BLK: variants seen among roughly 807,000 people sequenced by gnomAD.
BLK encodes tyrosine-protein kinase Blk.
BLK carries 64 observed loss-of-function variants against 61.8 expected under a neutral mutation model. That is an observed-to-expected ratio of 1.03 (90% confidence interval 0.85 to 1.27). The LOEUF is 1.27. Among genes scored for constraint, BLK ranks in the 50% most tolerant of loss-of-function variants. BLK has a pLI of 0.00. For synonymous variants in BLK, 351 were observed against 272.0 expected (o/e 1.29, Z -2.86); for missense variants, 853 against 660.5 (o/e 1.29, Z -3.19).
intron 1 of BLK, among the ~76,000 whole-genome samples, chr8:11,507,140 A>G (rs1798803451): frequency 6.6e-6 from 1 of 152,216 alleles, no homozygotes; most frequent in South Asian, 2.1e-4. Flanking sequence ...TGCAGTATAA[A>G]TGTACACTGT....
chr8:11,518,106 C>T (rs115535275), intron 1 of BLK, among the ~76,000 whole-genome samples: 25 of 152,202 alleles, frequency 1.6e-4, no homozygotes, highest in African/African-American at 4.8e-4. Flanking sequence ...GTGCAGGGTA[C>T]GCAGTGGGTG....
intron 8 of BLK, chr8:11,555,707 A>C (rs1801181105): frequency 7.2e-6 from 5 of 696,068 alleles, no homozygotes; most frequent in Middle Eastern, 4.1e-4. Flanking sequence ...CAGGAACAGA[A>C]TCCAGCTCAC....
At chr8:11,501,034 C>A (rs979661605) in intron 1 of BLK, among the ~76,000 whole-genome samples, 1 of 151,774 alleles carries the variant, frequency 6.6e-6, no homozygotes, top group Non-Finnish European at 1.5e-5. Context: ...CATGGTGAAA[C>A]CCCATCTCTA....
At chr8:11,501,374 C>A (rs1317265745) in intron 1 of BLK, among the ~76,000 whole-genome samples, 1 of 145,390 alleles carries the variant, frequency 6.9e-6, no homozygotes, top group African/African-American at 2.6e-5. Context: ...TTTTTTAACA[C>A]ATTAGCATGG....
At chr8:11,501,407 G>A (rs1275150852) in intron 1 of BLK, among the ~76,000 whole-genome samples, 1 of 150,138 alleles carries the variant, frequency 6.7e-6, no homozygotes. Flanking sequence ...TCTACTTTGT[G>A]GTGTCTGTCT....
At chr8:11,556,874 G>A in intron 9 of BLK, 37 bp downstream of exon 9, 1 of 1,608,328 alleles carries the variant, frequency 6.2e-7, no homozygotes, top group Non-Finnish European at 8.5e-7. Context: ...TCAGAGCGAG[G>A]CGGGAGGGCC....
intron 12 of BLK, 46 bp downstream of exon 12, chr8:11,563,156 G>A (rs369976913): frequency 2.6e-5 from 42 of 1,611,410 alleles, no homozygotes; most frequent in Middle Eastern, 1.6e-4. Flanking sequence ...TTTCCCGGCC[G>A]GCCCTGATGG....
chr8:11,502,812 C>T (rs1443535643), intron 1 of BLK, among the ~76,000 whole-genome samples: 8 of 152,078 alleles, frequency 5.3e-5, no homozygotes. Context: ...CTCCTGAGTC[C>T]CGAGCCTGAC....
chr8:11,542,000 A>C (rs189930606), intron 1 of BLK, among the ~76,000 whole-genome samples: 2 of 152,200 alleles, frequency 1.3e-5, no homozygotes, highest in Non-Finnish European at 2.9e-5. Flanking sequence ...GAAAAAACAT[A>C]CTTGTGAATT....
chr8:11,543,288 C>A lies in BLK; in HGVS notation c.64C>A (p.Gln22Lys). ...EKPIKEKDKG[Q>K]WSPLKVSAQD... ...GCCGATCAAAGAGAAGGACAAGGGCCAATGGAGCCCCCTGAAGGTCAGCGC... is the reference window on the plus strand; with the variant it reads ...GCCGATCAAAGAGAAGGACAAGGGCAAATGGAGCCCCCTGAAGGTCAGCGC... The change falls in exon 2 of 13, where the codon CAA (glutamine) becomes AAA (lysine). Residue 22 changes from glutamine to lysine, a missense_variant. Transcript: ENST00000259089. The A allele has an allele frequency of 1.9e-6, 3 of 1,613,974 alleles. No individual in the cohort carries two copies. The highest frequency in any genetic ancestry group is 2.2e-5 in the South Asian group (2 of 91,070).
At chr8:11,514,116 A>G (rs555839668) in intron 1 of BLK, among the ~76,000 whole-genome samples, 199 of 152,292 alleles carry the variant, frequency 1.3e-3, no homozygotes, top group African/African-American at 4.7e-3. Flanking sequence ...GTATCCCAGG[A>G]AATGAGTGGA....
intron 6 of BLK, chr8:11,553,136 G>C (rs1800996372): frequency 1.0e-5 from 2 of 193,070 alleles, no homozygotes; most frequent in Non-Finnish European, 2.2e-5. Flanking sequence ...TCCAAAGCAA[G>C]ACCCCTCTGC....
intron 1 of BLK, among the ~76,000 whole-genome samples, chr8:11,524,898 G>A (rs1256726007): frequency 7.0e-6 from 1 of 143,200 alleles, no homozygotes; most frequent in South Asian, 2.2e-4. Context: ...TGTAGATAAT[G>A]ATCCCATTTT....
intron 12 of BLK, 65 bp downstream of exon 12, chr8:11,563,175 C>A: frequency 6.2e-7 from 1 of 1,608,926 alleles, no homozygotes; most frequent in Non-Finnish European, 8.5e-7. Context: ...GGCAGGTCGC[C>A]TGTGCTTGGT....
intron 3 of BLK, among the ~76,000 whole-genome samples, chr8:11,546,999 C>T (rs1800677440): frequency 6.6e-6 from 1 of 152,250 alleles, no homozygotes; most frequent in Non-Finnish European, 1.5e-5. Context: ...TTCAAAGTGA[C>T]TTCCCGCAGC....
At chr8:11,502,610 C>G (rs1798606634) in intron 1 of BLK, among the ~76,000 whole-genome samples, 1 of 152,192 alleles carries the variant, frequency 6.6e-6, no homozygotes, top group Non-Finnish European at 1.5e-5. Flanking sequence ...ATACCTTAAT[C>G]TTGCATAATG....
At chr8:11,560,794 C>T in intron 10 of BLK, 1 of 450,982 alleles carries the variant, frequency 2.2e-6, no homozygotes, top group Non-Finnish European at 4.5e-6. Context: ...GCCCTGGAGA[C>T]CACATCCCTC....
chr8:11,549,497 G>T (rs1800806935), intron 5 of BLK, among the ~76,000 whole-genome samples: 1 of 152,218 alleles, frequency 6.6e-6, no homozygotes, highest in African/African-American at 2.4e-5. Flanking sequence ...GCTCCCAGGA[G>T]GGTGGCGTTG....
chr8:11,504,736 C>G (rs977617752), intron 1 of BLK, among the ~76,000 whole-genome samples: 1 of 152,188 alleles, frequency 6.6e-6, no homozygotes, highest in South Asian at 2.1e-4. Flanking sequence ...CCCCCTGTTC[C>G]CACCCTTGAG....
Sources: allele counts gnomAD v4.1 joint callset (sites outside exome capture counted in the v4.1 genomes callset), GRCh38; gene constraint gnomAD v4.1.1; transcripts MANE v1.5; gene names NCBI Gene and HGNC (gene_info 2026-07-23, HGNC 2026-07-21).